Variants in AGAP1 observed in about 807,000 individuals in gnomAD.
AGAP1 encodes the protein ArfGAP with GTPase domain, ankyrin repeat and PH domain 1.
A neutral mutation model predicts 105.3 loss-of-function variants in AGAP1; 29 were observed. The observed-to-expected ratio is 0.28, with a 90% CI of 0.21 to 0.38. The LOEUF (loss-of-function observed/expected upper bound fraction) is 0.38. Ranked by LOEUF, AGAP1 falls within the 10% of genes least tolerant of loss-of-function variation. AGAP1 has a pLI of 1.00. For missense variants in AGAP1, 998 were observed against 1,165.1 expected, an observed-to-expected ratio of 0.86 and a Z score of 2.09; for synonymous variants, 509 against 485.9, an observed-to-expected ratio of 1.05 and a Z score of -0.63.
rs148191183 is a variant in AGAP1 at position 235,766,213 on chromosome 2, G to A, written c.673+15725G>A. Among the ~76,000 whole-genome samples the A allele has an allele frequency of 8.5e-5, 13 of 152,288 alleles. No homozygotes were observed. In the East Asian group the frequency reaches 2.3e-3, roughly 27 times the overall value. ...AGGGTGCTTGGATTAAATGCAGTACGATAACACATCGATTATTTTTATAAG... is the reference window on the plus strand; with the variant it reads ...AGGGTGCTTGGATTAAATGCAGTACAATAACACATCGATTATTTTTATAAG... On this transcript the variant is annotated intron_variant, in intron 6 of 17. Transcript: ENST00000304032.
chr2:235,668,544 T>A (rs1200807538), intron 1 of AGAP1, among the ~76,000 whole-genome samples: 1 of 152,162 alleles, frequency 6.6e-6, no homozygotes, highest in Non-Finnish European at 1.5e-5. Flanking sequence ...TGTGGTGTGA[T>A]TAGGGGACAT....
chr2:235,647,722 C>A (rs1178243722), intron 1 of AGAP1, among the ~76,000 whole-genome samples: 1 of 152,082 alleles, frequency 6.6e-6, no homozygotes, highest in Non-Finnish European at 1.5e-5. Flanking sequence ...ACAAAGAAAT[C>A]CTAGTGTTGA....
At chr2:235,645,731 G>A (rs1306287755) in intron 1 of AGAP1, among the ~76,000 whole-genome samples, 2 of 152,160 alleles carry the variant, frequency 1.3e-5, no homozygotes, top group East Asian at 3.9e-4. Flanking sequence ...GTGTCCAGGG[G>A]AAGGAGAAAA....
Position 236,124,270 on chromosome 2 carries a change from A to C in AGAP1, c.*148A>C. The C allele has an allele frequency of 6.8e-6, 6 of 879,176 alleles. No individual in the cohort carries two copies. The highest frequency in any genetic ancestry group is 2.5e-5 in the Admixed American group (1 of 40,214). The allele number at this position is 879,176 out of a possible 1,614,324, so 54.5% of individuals were successfully genotyped here. A position where few individuals can be genotyped will look rare whatever the true frequency, so the allele number is the denominator to read the frequency against. ...TCCCGCCCACCCACTCTCACCCCAA[A>C]CAAAATCACAAAACCTGGACATCCC... On this transcript the variant is annotated 3_prime_UTR_variant, in exon 18 of 18. Coordinates refer to ENST00000304032, the MANE Select transcript of AGAP1 (RefSeq NM_001037131.3). This position sits in a 1 kb window ranked among gnomAD's most constrained non-coding sequence, Gnocchi z 5.1.
At chr2:235,512,925 G>T (rs556340520) in intron 1 of AGAP1, among the ~76,000 whole-genome samples, 3 of 152,328 alleles carry the variant, frequency 2.0e-5, no homozygotes, top group African/African-American at 7.2e-5. Flanking sequence ...GCTCGTGCAG[G>T]GCTCCCGGCC....
chr2:235,937,512 G>A (rs762057627), intron 12 of AGAP1, among the ~76,000 whole-genome samples: 1 of 152,174 alleles, frequency 6.6e-6, no homozygotes, highest in African/African-American at 2.4e-5. Context: ...AACCGAACAG[G>A]GGCAGCACAT....
At chr2:235,684,291 G>A (rs1472560730) in intron 1 of AGAP1, among the ~76,000 whole-genome samples, 3 of 152,130 alleles carry the variant, frequency 2.0e-5, no homozygotes, top group South Asian at 2.1e-4. Context: ...TGATCCACCC[G>A]CCTCGGCCTC....
chr2:235,640,138 G>C (rs941140977), intron 1 of AGAP1, among the ~76,000 whole-genome samples: 3 of 152,216 alleles, frequency 2.0e-5, no homozygotes, highest in Admixed American at 1.3e-4. Flanking sequence ...GAGGTGGACA[G>C]TTGCTCTTAG....
At chr2:235,572,871 G>C (rs906164201) in intron 1 of AGAP1, among the ~76,000 whole-genome samples, 1 of 152,164 alleles carries the variant, frequency 6.6e-6, no homozygotes, top group African/African-American at 2.4e-5. Context: ...GGGAGCTCCT[G>C]GTGTTGGGGG....
intron 16 of AGAP1, among the ~76,000 whole-genome samples, chr2:236,106,186 AC>A (rs1322104338): frequency 1.3e-5 from 2 of 152,272 alleles, no homozygotes; most frequent in Non-Finnish European, 2.9e-5. Flanking sequence ...ATTTCAAAGC[AC>A]ATACCGGAAT....
rs1001990671 is a variant in AGAP1, at chr2:236,020,026, C to T, written c.1646-16535C>T. 3.9e-5 allele frequency among the ~76,000 whole-genome samples: 6 copies of T among 152,208 alleles called. No individual in the cohort carries two copies. Among genetic ancestry groups the T allele is most frequent in the East Asian group, 1.9e-4 (1 of 5,188 alleles). ...CTTGTTTGTATGAGGCAGGCATGGG[C>T]GCCAGACTCAAGCCCAGATCTTAAC... On this transcript the variant is annotated intron_variant, in intron 13 of 17. Coordinates refer to ENST00000304032, the MANE Select transcript of AGAP1 (RefSeq NM_001037131.3). This position sits in a 1 kb window ranked among gnomAD's most constrained non-coding sequence, Gnocchi z 5.0.
chr2:235,768,727 C>T (rs902631605), intron 6 of AGAP1, among the ~76,000 whole-genome samples: 3 of 152,178 alleles, frequency 2.0e-5, no homozygotes, highest in Admixed American at 6.5e-5. Context: ...TGCAGGTGGG[C>T]ACGGCTTTGT....
chr2:236,105,159 A>G lies in AGAP1; in HGVS notation c.2115-15033A>G, dbSNP rs552745553. On this transcript the variant is annotated intron_variant, in intron 16 of 17. Coordinates refer to ENST00000304032, the MANE Select transcript of AGAP1 (RefSeq NM_001037131.3). This position sits in a 1 kb window ranked among gnomAD's most constrained non-coding sequence, Gnocchi z 4.2. ...GGCTGACTTTCCAAGCCAGCAAGAC[A>G]TGCATTCAGGCTACCTACAAGGAAA... 2.0e-5 allele frequency among the ~76,000 whole-genome samples: 3 copies of G among 152,304 alleles called. No individual in the cohort carries two copies. The highest frequency in any genetic ancestry group is 2.4e-5 in the African/African-American group (1 of 41,574).
rs143863152 is a variant in AGAP1 at position 235,620,291 on chromosome 2, C to G, written c.164-88888C>G. Among the ~76,000 whole-genome samples the G allele has an allele frequency of 6.2e-3, 949 of 152,254 alleles. 35 individuals carry two copies. Among genetic ancestry groups the G allele is most frequent in the Admixed American group, 0.056 (855 of 15,288 alleles). ...AGCAGCGTTGCTTGGCGGATTACTG[C>G]TCACCTCTTCAAGCCGATGCTGCTA... On this transcript the variant is annotated intron_variant, in intron 1 of 17. Coordinates refer to ENST00000304032, the MANE Select transcript of AGAP1 (RefSeq NM_001037131.3). The surrounding 1 kb of genome is among the most constrained non-coding windows in gnomAD (Gnocchi z 4.5).
rs546763102 is a variant in AGAP1, at chr2:235,686,945, G to C, written c.164-22234G>C. 6.6e-5 allele frequency among the ~76,000 whole-genome samples: 10 copies of C among 151,622 alleles called. No homozygotes were observed. In the South Asian group the frequency reaches 2.1e-3, roughly 32 times the overall value. ...TCCCAAATGTTGGGATTATGGGCCT[G>C]AGCCACTGGGCTTGGCTTAGGAAGG... On this transcript the variant is annotated intron_variant, in intron 1 of 17. Transcript: ENST00000304032.
At chr2:235,833,957 TAA>T (rs60112448) in intron 9 of AGAP1, among the ~76,000 whole-genome samples, 4 of 137,780 alleles carry the variant, frequency 2.9e-5, no homozygotes, top group Admixed American at 7.3e-5. Flanking sequence ...ATTTTTTTTG[TAA>T]AAAAAAAAAA....
At chr2:235,678,732 C>T (rs1167436977) in intron 1 of AGAP1, among the ~76,000 whole-genome samples, 1 of 152,094 alleles carries the variant, frequency 6.6e-6, no homozygotes, top group Non-Finnish European at 1.5e-5. Flanking sequence ...GCCTGCCTGC[C>T]TCCCTCCCGC....
At chr2:235,533,106 C>G (rs771402946) in intron 1 of AGAP1, among the ~76,000 whole-genome samples, 1 of 152,094 alleles carries the variant, frequency 6.6e-6, no homozygotes, top group South Asian at 2.1e-4. Context: ...CAGTCATGAC[C>G]GCGTTGAGTT....
At chr2:235,516,302 A>C (rs139407405) in intron 1 of AGAP1, among the ~76,000 whole-genome samples, 1 of 152,224 alleles carries the variant, frequency 6.6e-6, no homozygotes, top group Non-Finnish European at 1.5e-5. Context: ...CAGAAATAAA[A>C]CAGAAATGCT....
Sources: allele counts gnomAD v4.1 joint callset (sites outside exome capture counted in the v4.1 genomes callset), GRCh38; gene constraint gnomAD v4.1.1; non-coding constraint Gnocchi (gnomAD v3.1); transcripts MANE v1.5; gene names NCBI Gene and HGNC (gene_info 2026-07-23, HGNC 2026-07-21).